BAIAP2: variants seen among roughly 807,000 people sequenced by gnomAD.
BAIAP2 encodes the protein BAR/IMD domain containing adaptor protein 2, also known as BAR/IMD domain-containing adapter protein 2.
BAIAP2 carries 18 observed loss-of-function variants against 63.0 expected under a neutral mutation model. The observed-to-expected ratio is 0.29, with a 90% confidence interval of 0.20 to 0.42. BAIAP2 has a LOEUF of 0.42. BAIAP2 is among the 10% of genes least tolerant of loss of function. BAIAP2 has a pLI of 1.00. For missense variants in BAIAP2, 610 were observed against 734.3 expected (o/e 0.83, Z 1.96); for synonymous variants, 386 against 307.6 (o/e 1.25, Z -2.67).
Position 81,078,622 on chromosome 17 carries a change from T to G in BAIAP2, c.218-6210T>G, listed in dbSNP as rs200925625. On this transcript the variant is annotated intron_variant, in intron 3 of 13. Coordinates refer to ENST00000428708, the MANE Select transcript of BAIAP2 (RefSeq NM_001144888.2). ...GTGCCGTATTGGGTGGGAGCCGGGCTCTGTGGGTGCAGGTGCCATCTCCGA... is the reference window on the plus strand; with the variant it reads ...GTGCCGTATTGGGTGGGAGCCGGGCGCTGTGGGTGCAGGTGCCATCTCCGA... Among the ~76,000 whole-genome samples, 222 of 47,140 alleles carry G rather than the reference T, an allele frequency of 4.7e-3. No individual in the cohort carries two copies. In the Middle Eastern group the frequency reaches 0.052, roughly 11 times the overall value. The allele number at this position is 47,140 out of a possible 152,430, so 30.9% of individuals were successfully genotyped here.
intron 12 of BAIAP2, chr17:81,107,153 A>G (rs963788421): frequency 2.0e-6 from 1 of 495,522 alleles, no homozygotes; most frequent in Non-Finnish European, 3.5e-6. Flanking sequence ...CCTGTCCCTC[A>G]TGGTGCCCTC....
chr17:81,054,758 G>A (rs1016083947), intron 2 of BAIAP2, among the ~76,000 whole-genome samples: 16 of 152,144 alleles, frequency 1.1e-4, no homozygotes, highest in Admixed American at 7.2e-4. Flanking sequence ...TCCCTGAGAC[G>A]CTTCCCATCG....
chr17:81,075,839 C>A (rs1189366134), intron 3 of BAIAP2, among the ~76,000 whole-genome samples: 1 of 152,244 alleles, frequency 6.6e-6, no homozygotes, highest in African/African-American at 2.4e-5. Flanking sequence ...CACTGGCCAG[C>A]CACAGGCTCC....
rs2055716435 is a variant in BAIAP2, at chr17:81,086,719, C to T, written c.489+139C>T. The stretch of plus-strand genomic sequence containing the variant: ...AGGCAGGCTGTGTGTCCCTGGTAGA[C>T]CTCGGGAGCGGTGGGCCTGACGCCC... On this transcript the variant is annotated intron_variant, in intron 6 of 13. Transcript: ENST00000428708. The T allele has an allele frequency of 3.0e-6, 3 of 1,010,046 alleles. No individual in the cohort carries two copies. The East Asian group carries it at 7.6e-5, about 26-fold the overall frequency. The allele number at this position is 1,010,046 out of a possible 1,614,324, so 62.6% of individuals were successfully genotyped here.
At chr17:81,095,610 G>A (rs1203880558) in intron 6 of BAIAP2, among the ~76,000 whole-genome samples, 1 of 152,168 alleles carries the variant, frequency 6.6e-6, no homozygotes, top group Non-Finnish European at 1.5e-5. Context: ...TGCTCATGTG[G>A]GGGCTCCAAG....
chr17:81,057,543 A>T, intron 2 of BAIAP2: 1 of 796,172 alleles, frequency 1.3e-6, no homozygotes, highest in Non-Finnish European at 1.6e-6. Context: ...TCTTTGTCTC[A>T]TGAAATACAG....
In BAIAP2 at chr17:81,117,261, T is replaced by C. The variant is rs903289330; in HGVS notation, c.*1422T>C. On this transcript the variant is annotated 3_prime_UTR_variant, in exon 14 of 14. Transcript: ENST00000428708. ...ACAGCCCCTCCTGTCCAGGACTTTA[T>C]CATCGGCAGACCTCAGAAGACAACA... 1 of 152,242 alleles carries C rather than the reference T, an allele frequency of 6.6e-6. No homozygotes were observed. The allele number at this position is 152,242 out of a possible 1,614,324, so 9.4% of individuals were successfully genotyped here.
At chr17:81,075,450 C>T (rs867769411) in intron 3 of BAIAP2, among the ~76,000 whole-genome samples, 8 of 152,216 alleles carry the variant, frequency 5.3e-5, no homozygotes, top group East Asian at 1.9e-4. Context: ...TCAAGTGGGC[C>T]GCCTTCCGGT....
At chr17:81,084,636 G>A (rs576377647) in intron 3 of BAIAP2, among the ~76,000 whole-genome samples, 196 bp from the exon 4 acceptor site, 33 of 152,274 alleles carry the variant, frequency 2.2e-4, no homozygotes, top group African/African-American at 7.2e-4. Context: ...GAGGTCTGGA[G>A]TCCCTTCTCA....
chr17:81,115,628 A>G (rs12450670), intron 13 of BAIAP2, 142 bp from the exon 14 acceptor site: 1 of 979,286 alleles, frequency 1.0e-6, no homozygotes, highest in Non-Finnish European at 1.6e-6. Flanking sequence ...AAAGCAGCGT[A>G]TATTGTCTGT....
chr17:81,116,487 C>T lies in BAIAP2; in HGVS notation c.*648C>T. The T allele has an allele frequency of 2.6e-6, 2 of 768,940 alleles. No individual in the cohort carries two copies. Among genetic ancestry groups the T allele is most frequent in the East Asian group, 2.7e-5 (1 of 36,556 alleles). 47.6% of individuals were successfully genotyped at this position (768,940 alleles called of 1,614,324 possible). ...GGCCCCAGCCCTCCTCCTTACCCAACCTCCCATCCAGAACCTTGCTGCCAG... is the reference window on the plus strand; with the variant it reads ...GGCCCCAGCCCTCCTCCTTACCCAATCTCCCATCCAGAACCTTGCTGCCAG... On this transcript the variant is annotated 3_prime_UTR_variant, in exon 14 of 14. Transcript: ENST00000428708.
intron 13 of BAIAP2, chr17:81,110,885 C>T (rs757630436): frequency 6.2e-7 from 1 of 1,613,702 alleles, no homozygotes; most frequent in Admixed American, 1.7e-5. Context: ...CCCATGCTGC[C>T]TCCAACTGAG....
In BAIAP2 at chr17:81,104,680, T is replaced by C. The variant is rs2058908423; in HGVS notation, c.1233T>C (p.Asp411=). The change falls in exon 10 of 14, where the codon GAT becomes GAC. Residue 411 remains aspartate, a synonymous_variant. Coordinates refer to ENST00000428708, the MANE Select transcript of BAIAP2 (RefSeq NM_001144888.2). ...LITLLVPEAR[D]GWHYGESEKT... is the part of the protein sequence containing the mutation. ...CCCTGCTGGTGCCTGAGGCCCGCGA[T>C]GGCTGGCACTACGGAGAGAGTGAGA... is the stretch of plus-strand genomic sequence containing the variant. 6.2e-7 allele frequency: 1 copy of C among 1,600,406 alleles called. No individual in the cohort carries two copies. Among genetic ancestry groups the C allele is most frequent in the African/African-American group, 1.3e-5 (1 of 74,590 alleles).
intron 12 of BAIAP2, chr17:81,107,801 C>G (rs908672683): frequency 1.3e-5 from 2 of 152,578 alleles, no homozygotes; most frequent in Non-Finnish European, 2.9e-5. Flanking sequence ...ACAGCCTGAG[C>G]TGAGGCCGCA....
rs558780408 is a variant in BAIAP2, at chr17:81,046,307, G to A, written c.55-7361G>A. Among the ~76,000 whole-genome samples, 19 of 152,032 alleles carry A rather than the reference G, an allele frequency of 1.2e-4. No individual in the cohort carries two copies. The highest frequency in any genetic ancestry group is 4.3e-4 in the African/African-American group (18 of 41,382). ...GTACATGTGTTTGTAGTTTGTCTCCGACTCAAACCAAGTAAGATGCAGTTC... is the reference window on the plus strand; with the variant it reads ...GTACATGTGTTTGTAGTTTGTCTCCAACTCAAACCAAGTAAGATGCAGTTC... On this transcript the variant is annotated intron_variant, in intron 1 of 13. Transcript: ENST00000428708. This position sits in a 1 kb window ranked among gnomAD's most constrained non-coding sequence, Gnocchi z 4.5.
intron 2 of BAIAP2, among the ~76,000 whole-genome samples, chr17:81,055,486 T>C (rs894287858): frequency 3.3e-5 from 5 of 151,950 alleles, no homozygotes; most frequent in Non-Finnish European, 5.9e-5. Context: ...TCTACATCCC[T>C]GGGCCCGGGG....
At chr17:81,065,175 G>T (rs2051247696) in intron 3 of BAIAP2, among the ~76,000 whole-genome samples, 1 of 152,234 alleles carries the variant, frequency 6.6e-6, no homozygotes, top group African/African-American at 2.4e-5. Context: ...TGGCCGGCTG[G>T]ATCTGAGTCC....
chr17:81,105,784 G>A (rs2059114926), intron 10 of BAIAP2: 2 of 344,120 alleles, frequency 5.8e-6, no homozygotes, highest in Non-Finnish European at 1.1e-5. Context: ...TGACACTGGG[G>A]CTGCGAGGCA....
intron 13 of BAIAP2, among the ~76,000 whole-genome samples, chr17:81,114,154 T>C (rs2060245925): frequency 6.7e-6 from 1 of 148,828 alleles, no homozygotes; most frequent in Admixed American, 6.7e-5. Context: ...TTTTTTTTTT[T>C]TGTAGAGACG....
Sources: gnomAD v4.1 joint callset for allele counts (sites outside exome capture counted in the v4.1 genomes callset) on GRCh38, gnomAD v4.1.1 for gene constraint, Gnocchi (gnomAD v3.1) non-coding constraint, MANE v1.5 for transcripts, NCBI Gene and HGNC (gene_info 2026-07-23, HGNC 2026-07-21) for gene names.